Variants in KIAA0513 observed in about 807,000 individuals in gnomAD.
The protein encoded by KIAA0513 is KIAA0513.
KIAA0513 carries 39 observed loss-of-function variants against 56.5 expected under a neutral mutation model. That is an observed-to-expected ratio of 0.69 (90% CI 0.53 to 0.90). The LOEUF (loss-of-function observed/expected upper bound fraction) is 0.90. Among genes scored for constraint, KIAA0513 ranks in the 40% least tolerant of loss-of-function variants. The pLI is 0.00. For missense variants in KIAA0513, 591 were observed against 535.2 expected (o/e 1.10, Z -1.03); for synonymous variants, 268 against 215.6 (o/e 1.24, Z -2.13).
chr16:85,037,454 G>A (rs2073050269), intron 1 of KIAA0513, among the ~76,000 whole-genome samples: 1 of 152,184 alleles, frequency 6.6e-6, no homozygotes, highest in Non-Finnish European at 1.5e-5. Flanking sequence ...CACATTCTGA[G>A]TGAATAGTAA....
intron 1 of KIAA0513, among the ~76,000 whole-genome samples, chr16:85,053,990 C>CAA (rs770896525): frequency 0.31 from 24,722 of 80,310 alleles, 3,128 homozygotes; most frequent in South Asian, 0.41. Flanking sequence ...GACTCTGTCT[C>CAA]AAAAAAAAAA....
chr16:85,049,636 G>T (rs1019739029), intron 1 of KIAA0513, among the ~76,000 whole-genome samples: 1 of 152,166 alleles, frequency 6.6e-6, no homozygotes, highest in African/African-American at 2.4e-5. Flanking sequence ...CACGTAGGAC[G>T]TGGCTGCTCC....
chr16:85,073,034 C>T, intron 4 of KIAA0513, 36 bp downstream of exon 4: 4 of 1,565,302 alleles, frequency 2.6e-6, no homozygotes, highest in South Asian at 1.1e-5. Flanking sequence ...TTTGTCCTGG[C>T]AAGCTCCTCT....
At position 85,046,472 on chromosome 16, in the gene KIAA0513, G is replaced by A. The variant is rs559742211; in HGVS notation, c.-173+18614G>A. Among the ~76,000 whole-genome samples, 200 of 152,278 alleles carry A rather than the reference G, an allele frequency of 1.3e-3. 1 individual carries two copies. The highest frequency in any genetic ancestry group is 2.2e-3 in the Non-Finnish European group (149 of 68,012). ...ACAAGCGTCAGCCCAGCGGAGGCCCGTCTGCTCTGCCTTCGTCATTTCTAG... is the reference window on the plus strand; with the variant it reads ...ACAAGCGTCAGCCCAGCGGAGGCCCATCTGCTCTGCCTTCGTCATTTCTAG... On this transcript the variant is annotated intron_variant, in intron 1 of 12. Transcript: ENST00000683363.
At chr16:85,073,411 T>A (rs1357695732) in intron 4 of KIAA0513, among the ~76,000 whole-genome samples, 1 of 152,194 alleles carries the variant, frequency 6.6e-6, no homozygotes, top group East Asian at 1.9e-4. Context: ...ACTGTAGCTT[T>A]CCCTGCGAAC....
At chr16:85,046,928 C>G (rs992772622) in intron 1 of KIAA0513, among the ~76,000 whole-genome samples, 2 of 152,168 alleles carry the variant, frequency 1.3e-5, no homozygotes, top group African/African-American at 4.8e-5. Flanking sequence ...TCTGTTAGCT[C>G]AGATAAGATG....
intron 1 of KIAA0513, among the ~76,000 whole-genome samples, chr16:85,044,530 C>CA (rs1567523766): frequency 5.4e-5 from 8 of 148,106 alleles, no homozygotes; most frequent in African/African-American, 1.8e-4. Context: ...TTTTTTGAGA[C>CA]AGAGACTCGC....
At chr16:85,041,620 G>A (rs547360126) in intron 1 of KIAA0513, among the ~76,000 whole-genome samples, 66 of 152,270 alleles carry the variant, frequency 4.3e-4, no homozygotes, top group African/African-American at 1.6e-3. Context: ...CTTTTGTCTC[G>A]CTACTCGGGC....
intron 1 of KIAA0513, among the ~76,000 whole-genome samples, chr16:85,058,618 C>A (rs1200379360): frequency 1.3e-5 from 2 of 150,188 alleles, no homozygotes; most frequent in Non-Finnish European, 2.9e-5. Flanking sequence ...CTCCACTGCG[C>A]TCCAGCCTGG....
Position 85,082,503 on chromosome 16 carries a change from C to A in KIAA0513, c.981-61C>A, listed in dbSNP as rs183047785. 6.2e-5 allele frequency: 96 copies of A among 1,543,766 alleles called. 1 individual carries two copies. In the Admixed American group the frequency reaches 1.2e-3, roughly 19 times the overall value. The stretch of plus-strand genomic sequence containing the variant: ...CCTCTGCTTGTTCTCTTTTTACCAT[C>A]CACATATCTTGCATGACTTTGACAT... On this transcript the variant is annotated intron_variant, in intron 9 of 12. Coordinates refer to ENST00000683363, the MANE Select transcript of KIAA0513 (RefSeq NM_001388359.1).
chr16:85,044,569 C>T (rs1275782551), intron 1 of KIAA0513, among the ~76,000 whole-genome samples: 4 of 150,770 alleles, frequency 2.7e-5, no homozygotes, highest in Non-Finnish European at 4.4e-5. Flanking sequence ...TGCAATGGTG[C>T]GGTCTCAGCT....
Position 85,093,182 on chromosome 16 carries a change from C to A in KIAA0513, c.*4857C>A, listed in dbSNP as rs368967371. On this transcript the variant is annotated 3_prime_UTR_variant, in exon 13 of 13. Coordinates refer to ENST00000683363, the MANE Select transcript of KIAA0513 (RefSeq NM_001388359.1). Reference sequence around the variant, plus strand: ...CAGTGAGTGAGAGTCCTTGGGAGCGCGGCGCTGCCTGTAGCTGTGCCTGGG... The same window carrying A: ...CAGTGAGTGAGAGTCCTTGGGAGCGAGGCGCTGCCTGTAGCTGTGCCTGGG... The A allele has an allele frequency of 1.4e-5, 2 of 143,616 alleles. No individual in the cohort carries two copies. The highest frequency in any genetic ancestry group is 5.1e-5 in the African/African-American group (2 of 39,220). The allele number at this position is 143,616 out of a possible 1,614,324, so 8.9% of individuals were successfully genotyped here.
intron 1 of KIAA0513, among the ~76,000 whole-genome samples, chr16:85,028,707 A>G (rs571837019): frequency 2.0e-5 from 3 of 151,778 alleles, no homozygotes; most frequent in African/African-American, 7.3e-5. Context: ...GGAAAAAAAG[A>G]CTTTACAGGG....
chr16:85,078,913 C>G lies in KIAA0513; in HGVS notation c.824-12C>G. On this transcript the variant is annotated splice_polypyrimidine_tract_variant and intron_variant, in intron 7 of 12. Transcript: ENST00000683363. ...CCAGAGCTGCTTTCAGCCATTCTCT[C>G]TCCTCCCACAGTGACCGCGTACAGC... is the stretch of plus-strand genomic sequence containing the variant. 6.2e-7 allele frequency: 1 copy of G among 1,614,120 alleles called. No individual in the cohort carries two copies. Among genetic ancestry groups the G allele is most frequent in the South Asian group, 1.1e-5 (1 of 91,084 alleles).
intron 1 of KIAA0513, among the ~76,000 whole-genome samples, chr16:85,041,618 T>C (rs1002855817): frequency 1.3e-5 from 2 of 152,172 alleles, no homozygotes; most frequent in African/African-American, 4.8e-5. Flanking sequence ...ACCTTTTGTC[T>C]CGCTACTCGG....
chr16:85,042,321 G>A (rs1003137873), intron 1 of KIAA0513, among the ~76,000 whole-genome samples: 1 of 152,170 alleles, frequency 6.6e-6, no homozygotes, highest in Non-Finnish European at 1.5e-5. Context: ...CAAATGAGGA[G>A]ACCTATAGGT....
intron 1 of KIAA0513, among the ~76,000 whole-genome samples, chr16:85,041,341 G>T (rs540182331): frequency 6.6e-6 from 1 of 152,286 alleles, no homozygotes; most frequent in Admixed American, 6.5e-5. Context: ...GCTTCTACCA[G>T]ATTTCACCCA....
chr16:85,057,860 G>C (rs1383865572), intron 1 of KIAA0513, among the ~76,000 whole-genome samples: 1 of 150,666 alleles, frequency 6.6e-6, no homozygotes, highest in East Asian at 2.0e-4. Context: ...AGGTCATTCT[G>C]TGTGGGACCT....
intron 1 of KIAA0513, among the ~76,000 whole-genome samples, chr16:85,064,635 T>C (rs1349971495): frequency 6.6e-6 from 1 of 152,252 alleles, no homozygotes; most frequent in Non-Finnish European, 1.5e-5. Flanking sequence ...TGCATATTTA[T>C]ATCGTGGTTA....
Sources: gnomAD v4.1 joint callset for allele counts (sites outside exome capture counted in the v4.1 genomes callset) on GRCh38, gnomAD v4.1.1 for gene constraint, MANE v1.5 for transcripts, NCBI Gene and HGNC (gene_info 2026-07-23, HGNC 2026-07-21) for gene names.